Variants in HMGA1 observed in about 807,000 individuals in gnomAD.
HMGA1 encodes the protein high mobility group AT-hook 1.
HMGA1 carries 1 observed loss-of-function variant against 15.1 expected under a neutral mutation model. The ratio of observed to expected loss-of-function variants is 0.07; its 90% CI spans 0.02 to 0.31. The LOEUF (loss-of-function observed/expected upper bound fraction) is 0.31. HMGA1 is among the 10% of genes least tolerant of loss of function. The pLI, the probability that HMGA1 is intolerant of heterozygous loss-of-function variation, is 1.00. For missense variants in HMGA1, 94 were observed against 141.4 expected (o/e 0.66, Z 1.70); for synonymous variants, 56 against 54.8 (o/e 1.02, Z -0.10).
At chr6:34,244,341 C>T (rs1261079930) in intron 5 of HMGA1, among the ~76,000 whole-genome samples, 4 of 152,126 alleles carry the variant, frequency 2.6e-5, no homozygotes, top group East Asian at 1.9e-4. Context: ...CTCCCCACCC[C>T]GGCCTAGGGT....
rs1435372828 is a variant in HMGA1 at position 34,236,983 on chromosome 6, G to A, written c.-159+20G>A. 2.0e-5 allele frequency: 3 copies of A among 152,376 alleles called. No homozygotes were observed. The highest frequency in any genetic ancestry group is 4.4e-5 in the Non-Finnish European group (3 of 68,042). The allele number at this position is 152,376 out of a possible 1,614,324, so 9.4% of individuals were successfully genotyped here. ...GAAGGCGTGAGTTCGCGGCCGCTCC[G>A]GTGGCTTCTTTTTTTTATATCTATA... On this transcript the variant is annotated intron_variant, in intron 1 of 5. Transcript: ENST00000311487.
At chr6:34,237,672 C>T (rs1333874951) in intron 2 of HMGA1, among the ~76,000 whole-genome samples, 2 of 122,906 alleles carry the variant, frequency 1.6e-5, no homozygotes, top group Admixed American at 1.6e-4. Context: ...GCGCGGCGGC[C>T]GCTCCCGCTG....
chr6:34,237,693 C>T (rs1369373096), intron 2 of HMGA1, among the ~76,000 whole-genome samples: 1 of 150,388 alleles, frequency 6.6e-6, no homozygotes, highest in African/African-American at 2.4e-5. Flanking sequence ...GAGCCGGAGC[C>T]CGAGCCCGAG....
In HMGA1 at chr6:34,245,210, C is replaced by T. The variant is rs1225819529; in HGVS notation, c.*326C>T. 5.0e-6 allele frequency: 7 copies of T among 1,404,646 alleles called. No individual in the cohort carries two copies. Among genetic ancestry groups the T allele is most frequent in the Non-Finnish European group, 6.6e-6 (7 of 1,062,492 alleles). 87.0% of individuals were successfully genotyped at this position (1,404,646 alleles called of 1,614,324 possible). A position where few individuals can be genotyped will look rare whatever the true frequency, so the allele number is the denominator to read the frequency against. On this transcript the variant is annotated 3_prime_UTR_variant, in exon 6 of 6. Transcript: ENST00000311487. ...CCCTGCACCTGCTGCGTCCCCACTC[C>T]CTTGGTGGTGGGGACATTGCTCTCT...
intron 2 of HMGA1, among the ~76,000 whole-genome samples, chr6:34,240,021 G>A (rs1762168943): frequency 6.6e-6 from 1 of 152,100 alleles, no homozygotes; most frequent in Non-Finnish European, 1.5e-5. Flanking sequence ...AGAGGAGGGT[G>A]GCCTTTGGCT....
At position 34,240,949 on chromosome 6, in the gene HMGA1, C is replaced by T. The variant is rs375321073; in HGVS notation, c.135+34C>T. ...CCAAACCTTTGCTTCACTTGGTTTA[C>T]CCTTTGGGGCTAGGGAGGTGCCTGG... On this transcript the variant is annotated intron_variant, in intron 3 of 5. Coordinates refer to ENST00000311487, the MANE Select transcript of HMGA1 (RefSeq NM_145899.3). 5.6e-6 allele frequency: 9 copies of T among 1,612,656 alleles called. No homozygotes were observed. The African/African-American group carries it at 6.7e-5, about 12-fold the overall frequency.
intron 2 of HMGA1, among the ~76,000 whole-genome samples, chr6:34,238,191 C>T (rs1200153335): frequency 6.6e-6 from 1 of 152,096 alleles, no homozygotes; most frequent in East Asian, 1.9e-4. Flanking sequence ...GGTGCACCCG[C>T]GTGGCGGTGC....
rs750856264 is a variant in HMGA1 at position 34,245,905 on chromosome 6, C to T, written c.*1021C>T. 2.2e-5 allele frequency: 7 copies of T among 312,634 alleles called. No homozygotes were observed. The highest frequency in any genetic ancestry group is 3.6e-5 in the Non-Finnish European group (6 of 164,742). The allele number at this position is 312,634 out of a possible 1,614,324, so 19.4% of individuals were successfully genotyped here. A position where few individuals can be genotyped will look rare whatever the true frequency, so the allele number is the denominator to read the frequency against. On this transcript the variant is annotated 3_prime_UTR_variant, in exon 6 of 6. Coordinates refer to ENST00000311487, the MANE Select transcript of HMGA1 (RefSeq NM_145899.3). ...TTCCATTCTTCGACATCCGTCATTG[C>T]TGCTGCTACCAGCGCCAAATGTTCA...
rs191062297 is a variant in HMGA1, at chr6:34,244,425, C to T, written c.271-406C>T. On this transcript the variant is annotated intron_variant, in intron 5 of 5. Transcript: ENST00000311487. ...CCCCTGTGGGCCAAGGACCTGGTTCCCCTGCACCCACCAGCGGGCTCTTGC... is the reference window on the plus strand; with the variant it reads ...CCCCTGTGGGCCAAGGACCTGGTTCTCCTGCACCCACCAGCGGGCTCTTGC... 1.6e-3 allele frequency among the ~76,000 whole-genome samples: 237 copies of T among 152,230 alleles called. 1 individual carries two copies. The highest frequency in any genetic ancestry group is 5.3e-3 in the African/African-American group (219 of 41,544).
chr6:34,241,771 C>T (rs1288351037), intron 3 of HMGA1, among the ~76,000 whole-genome samples: 2 of 152,216 alleles, frequency 1.3e-5, no homozygotes, highest in African/African-American at 2.4e-5. Flanking sequence ...TTGAGTTCGA[C>T]CTCTGCCCCT....
chr6:34,244,399 G>T (rs1762550774), intron 5 of HMGA1, among the ~76,000 whole-genome samples: 1 of 152,026 alleles, frequency 6.6e-6, no homozygotes, highest in Admixed American at 6.5e-5. Context: ...CACAGCATCT[G>T]CCCCTGTGGG....
intron 5 of HMGA1, 87 bp downstream of exon 5, chr6:34,243,605 C>G (rs960838664): frequency 3.6e-6 from 4 of 1,097,832 alleles, no homozygotes; most frequent in African/African-American, 1.6e-5. Context: ...CTATGCACCC[C>G]CTATGGAAAG....
chr6:34,241,011 G>A, intron 3 of HMGA1, 96 bp downstream of exon 3: 13 of 1,413,230 alleles, frequency 9.2e-6, no homozygotes, highest in East Asian at 2.3e-5. Context: ...CATGGAGGGT[G>A]CAGAATGATT....
At chr6:34,238,275 C>A (rs1210810268) in intron 2 of HMGA1, among the ~76,000 whole-genome samples, 1 of 152,070 alleles carries the variant, frequency 6.6e-6, no homozygotes, top group Admixed American at 6.5e-5. Context: ...GCCCTGGCCC[C>A]GGGTCCCGCC....
In HMGA1 at chr6:34,245,286, C is replaced by T. The variant is rs757650780; in HGVS notation, c.*402C>T. On this transcript the variant is annotated 3_prime_UTR_variant, in exon 6 of 6. Coordinates refer to ENST00000311487, the MANE Select transcript of HMGA1 (RefSeq NM_145899.3). The stretch of plus-strand genomic sequence containing the variant: ...TCTGCTCCTTCACTGTTCCCTCTGG[C>T]TTCCCATAGTGGGGCCTGGGAGGGT... The T allele has an allele frequency of 7.3e-7, 1 of 1,372,564 alleles. No individual in the cohort carries two copies. The highest frequency in any genetic ancestry group is 1.2e-5 in the South Asian group (1 of 81,658). 85.0% of individuals were successfully genotyped at this position (1,372,564 alleles called of 1,614,324 possible).
intron 2 of HMGA1, among the ~76,000 whole-genome samples, chr6:34,238,406 A>G (rs1201235806): frequency 6.6e-6 from 1 of 152,150 alleles, no homozygotes; most frequent in African/African-American, 2.4e-5. Flanking sequence ...GTCGGGTTGA[A>G]AGGGTCTCCG....
intron 5 of HMGA1, among the ~76,000 whole-genome samples, chr6:34,244,312 C>T (rs988975833): frequency 6.6e-6 from 1 of 152,086 alleles, no homozygotes. Flanking sequence ...TGAGCCCCGG[C>T]GGCACACACT....
At chr6:34,237,738 G>T (rs1761916692) in intron 2 of HMGA1, among the ~76,000 whole-genome samples, 1 of 151,372 alleles carries the variant, frequency 6.6e-6, no homozygotes, top group African/African-American at 2.4e-5. Context: ...AGAGACACGG[G>T]CTGCGGCGCG....
intron 5 of HMGA1, 92 bp from the exon 6 acceptor site, chr6:34,244,739 C>CCAGGGAGTG: frequency 2.9e-6 from 3 of 1,022,082 alleles, no homozygotes; most frequent in East Asian, 2.6e-5. Flanking sequence ...TTCAGGAGAG[C>CCAGGGAGTG]CAGGGAGTGC....
Sources: allele counts gnomAD v4.1 joint callset (sites outside exome capture counted in the v4.1 genomes callset), GRCh38; gene constraint gnomAD v4.1.1; transcripts MANE v1.5; gene names NCBI Gene and HGNC (gene_info 2026-07-23, HGNC 2026-07-21).